Variants in DNAJC6 observed in about 807,000 individuals in gnomAD.
The protein encoded by DNAJC6 is auxilin.
DNAJC6 carries 34 observed loss-of-function variants against 110.0 expected under a neutral mutation model. The ratio of observed to expected loss-of-function variants is 0.31; its 90% CI spans 0.24 to 0.41. The LOEUF is 0.41. Ranked by LOEUF, DNAJC6 falls within the 10% of genes least tolerant of loss-of-function variation. The pLI is 1.00. For synonymous variants in DNAJC6, 406 were observed against 437.2 expected (o/e 0.93, Z 0.89); for missense variants, 1,031 against 1,207.8 (o/e 0.85, Z 2.17).
upstream of DNAJC6, among the ~76,000 whole-genome samples, chr1:65,306,709 G>A (rs1445662403): frequency 2.6e-5 from 4 of 152,178 alleles, no homozygotes; most frequent in Non-Finnish European, 5.9e-5. Flanking sequence ...GTAGTCTTGA[G>A]TTTGGAAAAC....
intron 1 of DNAJC6, among the ~76,000 whole-genome samples, chr1:65,267,051 C>T (rs771965501): frequency 6.6e-6 from 1 of 152,114 alleles, no homozygotes; most frequent in African/African-American, 2.4e-5. Flanking sequence ...CCCATGCCAC[C>T]ACGCCCGGTT....
intron 1 of DNAJC6, among the ~76,000 whole-genome samples, chr1:65,322,992 G>A (rs1645210226): frequency 2.0e-5 from 3 of 152,186 alleles, no homozygotes; most frequent in African/African-American, 7.2e-5. Context: ...TGTTTTTCAT[G>A]AATAACCATT....
chr1:65,411,123 T>C, intron 17 of DNAJC6, 127 bp from the exon 18 acceptor site: 1 of 847,476 alleles, frequency 1.2e-6, no homozygotes, highest in Non-Finnish European at 1.7e-6. Flanking sequence ...GGAAACAGCC[T>C]GGATCATACA....
chr1:65,376,892 C>T (rs994171307), intron 4 of DNAJC6, among the ~76,000 whole-genome samples: 3 of 152,170 alleles, frequency 2.0e-5, no homozygotes, highest in Non-Finnish European at 4.4e-5. Flanking sequence ...GCCTCAGCCT[C>T]CTGAGTAGCT....
At chr1:65,366,310 C>T (rs1029380770) in intron 4 of DNAJC6, 114 bp downstream of exon 4, 7 of 1,112,548 alleles carry the variant, frequency 6.3e-6, no homozygotes, top group South Asian at 1.5e-5. Flanking sequence ...AAACTATACA[C>T]TCTGGACACT....
At chr1:65,273,214 T>G (rs1451014130) in intron 1 of DNAJC6, among the ~76,000 whole-genome samples, 1 of 152,256 alleles carries the variant, frequency 6.6e-6, no homozygotes, top group Non-Finnish European at 1.5e-5. Flanking sequence ...CTATAACTTA[T>G]GACTTATTTT....
intron 1 of DNAJC6, among the ~76,000 whole-genome samples, chr1:65,320,535 T>A (rs547381775): frequency 1.3e-5 from 2 of 152,316 alleles, no homozygotes; most frequent in South Asian, 4.1e-4. Flanking sequence ...CCCTGCCTTT[T>A]TCATAGGCAC....
chr1:65,386,979 G>A, intron 8 of DNAJC6, 50 bp downstream of exon 8: 1 of 1,436,532 alleles, frequency 7.0e-7, no homozygotes, highest in East Asian at 2.3e-5. Flanking sequence ...GTCTTCAATA[G>A]GAGTATTTCT....
At chr1:65,302,436 G>C (rs1644996038) in intron 1 of DNAJC6, among the ~76,000 whole-genome samples, 1 of 148,768 alleles carries the variant, frequency 6.7e-6, no homozygotes, top group African/African-American at 2.5e-5. Flanking sequence ...CCACCCTCAT[G>C]AATGGATTAA....
chr1:65,318,829 A>G (rs966942653), intron 1 of DNAJC6, among the ~76,000 whole-genome samples: 1 of 152,214 alleles, frequency 6.6e-6, no homozygotes, highest in South Asian at 2.1e-4. Flanking sequence ...TGTAACAAAC[A>G]TGCTGCACAT....
chr1:65,283,063 T>C (rs1653903192), intron 1 of DNAJC6, among the ~76,000 whole-genome samples: 1 of 152,224 alleles, frequency 6.6e-6, no homozygotes, highest in Admixed American at 6.5e-5. Context: ...CTAGCCTCCC[T>C]GAATGTTCAC....
chr1:65,393,983 G>C (rs1301076749), intron 12 of DNAJC6, among the ~76,000 whole-genome samples: 3 of 152,104 alleles, frequency 2.0e-5, no homozygotes, highest in African/African-American at 7.2e-5. Context: ...GTGAACTCAG[G>C]TGCCCTGAAT....
chr1:65,339,464 G>A (rs765736090), intron 1 of DNAJC6, among the ~76,000 whole-genome samples: 14 of 152,162 alleles, frequency 9.2e-5, no homozygotes, highest in Admixed American at 2.0e-4. Context: ...TAGTAATGGC[G>A]TGTACATTAT....
At chr1:65,302,122 AT>A (rs1476087910) in intron 1 of DNAJC6, among the ~76,000 whole-genome samples, 1 of 15,006 alleles carries the variant, frequency 6.7e-5, no homozygotes, top group Non-Finnish European at 9.2e-5. Context: ...ATATATATAT[AT>A]AAAAAATATA....
At chr1:65,275,758 TTC>T (rs1234912161) in intron 1 of DNAJC6, among the ~76,000 whole-genome samples, 2 of 152,108 alleles carry the variant, frequency 1.3e-5, no homozygotes, top group Non-Finnish European at 2.9e-5. Context: ...GCCCTTTTCT[TTC>T]TTTTTTAGTT....
intron 1 of DNAJC6, among the ~76,000 whole-genome samples, chr1:65,287,778 A>AT (rs1488657608): frequency 2.0e-5 from 3 of 151,706 alleles, no homozygotes; most frequent in East Asian, 1.9e-4. Flanking sequence ...TGATTTTTGT[A>AT]TTTTTTGTAG....
intron 11 of DNAJC6, among the ~76,000 whole-genome samples, chr1:65,392,129 G>A (rs1029717930): frequency 6.6e-6 from 1 of 152,162 alleles, no homozygotes; most frequent in African/African-American, 2.4e-5. Flanking sequence ...AAGGCACAGA[G>A]AAGTAAAGTA....
intron 1 of DNAJC6, among the ~76,000 whole-genome samples, chr1:65,266,611 C>A (rs997810272): frequency 6.6e-6 from 1 of 151,952 alleles, no homozygotes; most frequent in Non-Finnish European, 1.5e-5. Flanking sequence ...TGTGTGAAAT[C>A]AAAGTATTTT....
intron 1 of DNAJC6, among the ~76,000 whole-genome samples, chr1:65,277,952 A>C (rs1208412613): frequency 1.3e-5 from 2 of 152,208 alleles, no homozygotes; most frequent in Non-Finnish European, 2.9e-5. Flanking sequence ...GGAAAGGTAA[A>C]TGTTATAATT....
Sources: gnomAD v4.1 joint callset for allele counts (sites outside exome capture counted in the v4.1 genomes callset) on GRCh38, gnomAD v4.1.1 for gene constraint, MANE v1.5 for transcripts, NCBI Gene and HGNC (gene_info 2026-07-23, HGNC 2026-07-21) for gene names.